PCID2: variants seen among roughly 807,000 people sequenced by gnomAD.
PCID2 encodes PCI domain containing 2.
A neutral mutation model predicts 61.3 loss-of-function variants in PCID2; 41 were observed. That is an observed-to-expected ratio of 0.67 (90% CI 0.52 to 0.87). The LOEUF (loss-of-function observed/expected upper bound fraction) is 0.87, where lower values mean the gene tolerates loss of function less well. PCID2 is among the 40% of genes least tolerant of loss of function. The pLI is 0.00. For synonymous variants in PCID2, 187 were observed against 177.8 expected, an observed-to-expected ratio of 1.05 and a Z score of -0.41; for missense variants, 392 against 493.4, an observed-to-expected ratio of 0.79 and a Z score of 1.95.
In PCID2 at chr13:113,179,992, A is replaced by G; in HGVS notation, c.911T>C (p.Phe304Ser). ...GAGGAAGATTCCGCAGCGAATGAAGAAGGCCTCGTGCTTCGCCAGCGCCTC... is the reference window on the plus strand; with the variant it reads ...GAGGAAGATTCCGCAGCGAATGAAGGAGGCCTCGTGCTTCGCCAGCGCCTC... ...LHEALAKHEA[F>S]FIRCGIFLIL... The change falls in exon 12 of 14, where the codon TTC becomes TCC. Residue 304 changes from phenylalanine to serine, a missense_variant. Phe to Ser is a radical substitution (Grantham distance 155). Coordinates refer to ENST00000337344, the MANE Select transcript of PCID2 (RefSeq NM_001127202.4). The surrounding 1 kb of genome is among the most constrained non-coding windows in gnomAD (Gnocchi z 4.3). 6.2e-7 allele frequency: 1 copy of G among 1,614,110 alleles called. No individual in the cohort carries two copies. The highest frequency in any genetic ancestry group is 8.5e-7 in the Non-Finnish European group (1 of 1,179,994).
downstream of PCID2, among the ~76,000 whole-genome samples, chr13:113,172,879 T>C (rs983671952): frequency 6.6e-6 from 1 of 152,136 alleles, no homozygotes; most frequent in Non-Finnish European, 1.5e-5. Context: ...ACCTCACCAA[T>C]GGGCTGATGG....
chr13:113,184,487 T>G lies in PCID2; in HGVS notation c.544A>C (p.Ile182Leu), dbSNP rs758858502. The part of the protein sequence containing the change: ...VNQLFKIYFK[I>L]NKLHLCKPLI... ...GGTTTACATAAATGGAGTTTGTTGA[T>G]CTATAATGAATAACAATCCATTTAA... Residue 182 changes from isoleucine (I) to leucine (L), a missense_variant and splice_region_variant, in exon 9 of 14, where the codon ATC becomes CTC. Around this residue, in one of 3 missense-constraint regions of PCID2, gnomAD observed 226 missense variants for 296.5 expected, o/e 0.76. Coordinates refer to ENST00000337344, the MANE Select transcript of PCID2 (RefSeq NM_001127202.4). The G allele has an allele frequency of 6.4e-7, 1 of 1,558,584 alleles. No individual in the cohort carries two copies. The highest frequency in any genetic ancestry group is 1.7e-5 in the Admixed American group (1 of 59,488).
chr13:113,206,343 T>A (rs2039816611), intron 1 of PCID2, among the ~76,000 whole-genome samples: 1 of 152,198 alleles, frequency 6.6e-6, no homozygotes, highest in Non-Finnish European at 1.5e-5. Context: ...CTTTGCTGTG[T>A]CTCACTTGGA....
the PCID2 span, chr13:113,165,186 A>G: frequency 6.6e-7 from 1 of 1,506,586 alleles, no homozygotes; most frequent in South Asian, 1.1e-5. Flanking sequence ...GTCATTTCCT[A>G]AATAGAAATG....
In PCID2 at chr13:113,198,175, C is replaced by T. The variant is rs1397640390; in HGVS notation, c.200+16G>A. On this transcript the variant is annotated intron_variant, in intron 3 of 13. Coordinates refer to ENST00000337344, the MANE Select transcript of PCID2 (RefSeq NM_001127202.4). ...TTTCCAGATGTGTGTGTTTTTCTTC[C>T]TCCCCAACAGATTACCTTAAATGAG... The T allele has an allele frequency of 6.4e-7, 1 of 1,555,498 alleles. No individual in the cohort carries two copies. Among genetic ancestry groups the T allele is most frequent in the Non-Finnish European group, 8.8e-7 (1 of 1,142,684 alleles).
the PCID2 span, among the ~76,000 whole-genome samples, chr13:113,167,691 A>G: frequency 6.6e-6 from 1 of 152,186 alleles, no homozygotes; most frequent in African/African-American, 2.4e-5. Context: ...AATAAGGTAC[A>G]TGTTTTATAG....
At chr13:113,171,568 G>T in the PCID2 span, 1 of 1,613,752 alleles carries the variant, frequency 6.2e-7, no homozygotes, top group South Asian at 1.1e-5. The surrounding 1 kb of genome is among the most constrained non-coding windows in gnomAD (Gnocchi z 5.1). Flanking sequence ...AGACTGTAAA[G>T]AACTGACGAT....
chr13:113,178,336 A>G (rs191479279), intron 13 of PCID2, 49 bp from the exon 14 acceptor site: 2 of 1,338,280 alleles, frequency 1.5e-6, no homozygotes, highest in East Asian at 2.3e-5. Context: ...GATCTGAGTC[A>G]TGTCAAAGAT....
chr13:113,183,835 C>T, intron 9 of PCID2: 2 of 985,298 alleles, frequency 2.0e-6, no homozygotes, highest in Non-Finnish European at 2.4e-6. Flanking sequence ...ACACGCCGTG[C>T]GAGGCTGTTT....
At chr13:113,189,498 T>C (rs1566958172) in intron 7 of PCID2, among the ~76,000 whole-genome samples, 1 of 152,192 alleles carries the variant, frequency 6.6e-6, no homozygotes, top group Non-Finnish European at 1.5e-5. Context: ...TGTTTATTTA[T>C]ATATGGATAC....
At chr13:113,182,254 T>C (rs937161723) in intron 9 of PCID2, among the ~76,000 whole-genome samples, 1 of 152,040 alleles carries the variant, frequency 6.6e-6, no homozygotes, top group Non-Finnish European at 1.5e-5. Context: ...TGTGGCCACA[T>C]TGGCACAAAA....
the PCID2 span, among the ~76,000 whole-genome samples, chr13:113,171,174 C>T: frequency 5.9e-5 from 9 of 152,160 alleles, no homozygotes; most frequent in East Asian, 1.9e-4. This position sits in a 1 kb window ranked among gnomAD's most constrained non-coding sequence, Gnocchi z 5.1. Flanking sequence ...CGACCTGCCT[C>T]GGCCTCCCGA....
At chr13:113,202,333 T>C (rs2039491468) in intron 1 of PCID2, among the ~76,000 whole-genome samples, 1 of 152,196 alleles carries the variant, frequency 6.6e-6, no homozygotes. Flanking sequence ...GATAAGGAAT[T>C]TCCCCCCTGA....
intron 8 of PCID2, among the ~76,000 whole-genome samples, chr13:113,184,850 T>C (rs1282172914): frequency 1.3e-5 from 2 of 148,232 alleles, no homozygotes; most frequent in Non-Finnish European, 3.0e-5. Context: ...TGCAGGAGCC[T>C]GTGCTAGTGG....
chr13:113,191,082 T>G, intron 6 of PCID2, 107 bp from the exon 7 acceptor site: 1 of 645,010 alleles, frequency 1.6e-6, no homozygotes, highest in Non-Finnish European at 2.6e-6. Flanking sequence ...AGCCTCAACC[T>G]CCTGGGCTCC....
the PCID2 span, chr13:113,172,196 C>T: frequency 6.5e-7 from 1 of 1,528,376 alleles, no homozygotes; most frequent in Non-Finnish European, 8.9e-7. Context: ...AACTTCATCA[C>T]ACACTGAGAG....
rs545908753 is a variant in PCID2 at position 113,193,918 on chromosome 13, A to C, written c.363+1153T>G. Among the ~76,000 whole-genome samples, 3 of 152,306 alleles carry C rather than the reference A, an allele frequency of 2.0e-5. No individual in the cohort carries two copies. In the East Asian group the frequency reaches 5.8e-4, roughly 29 times the overall value. On this transcript the variant is annotated intron_variant, in intron 6 of 13. Coordinates refer to ENST00000337344, the MANE Select transcript of PCID2 (RefSeq NM_001127202.4). The stretch of plus-strand genomic sequence containing the variant: ...CTGCTGAATGTTTTTTCTCATTTGA[A>C]ATCTCTGAAAGTTGAGATTTTCCTG...
intron 3 of PCID2, among the ~76,000 whole-genome samples, chr13:113,197,886 G>A (rs1410776405): frequency 1.3e-5 from 2 of 152,138 alleles, no homozygotes; most frequent in Non-Finnish European, 1.5e-5. Context: ...TCCCAGTAAC[G>A]TAAAGAGCTT....
chr13:113,183,976 G>A (rs1015034678), intron 9 of PCID2: 52 of 985,158 alleles, frequency 5.3e-5, no homozygotes, highest in South Asian at 3.8e-4. Context: ...GAAGTCAGTC[G>A]CTGAACTAAA....
Sources: gnomAD v4.1 joint callset for allele counts (sites outside exome capture counted in the v4.1 genomes callset) on GRCh38, gnomAD v4.1.1 for gene constraint, gnomAD v4.1.1 regional missense constraint, Gnocchi (gnomAD v3.1) non-coding constraint, MANE v1.5 for transcripts, NCBI Gene and HGNC (gene_info 2026-07-23, HGNC 2026-07-21) for gene names.